PDS5A: variants seen among roughly 807,000 people sequenced by gnomAD.
PDS5A encodes sister chromatid cohesion protein PDS5 homolog A.
PDS5A carries 42 observed loss-of-function variants against 167.1 expected under a neutral mutation model. The observed-to-expected ratio is 0.25, with a 90% CI of 0.20 to 0.33. The LOEUF (loss-of-function observed/expected upper bound fraction) is 0.33. Ranked by LOEUF, PDS5A falls within the 10% of genes least tolerant of loss-of-function variation. PDS5A has a pLI of 1.00. For synonymous variants in PDS5A, 553 were observed against 554.6 expected (o/e 1.00, Z 0.04); for missense variants, 1,033 against 1,605.9 (o/e 0.64, Z 6.10).
At position 39,928,082 on chromosome 4, in the gene PDS5A, G is replaced by A; in HGVS notation, c.221C>T (p.Ala74Val). 1 of 1,612,954 alleles carries A rather than the reference G, an allele frequency of 6.2e-7. No homozygotes were observed. The highest frequency in any genetic ancestry group is 8.5e-7 in the Non-Finnish European group (1 of 1,179,028). The change falls in exon 3 of 33, where the codon GCA (alanine) becomes GTA (valine). Residue 74 changes from alanine to valine, a missense_variant. Physicochemically the swap from Ala to Val is moderately conservative, Grantham distance 64 (BLOSUM62 0). This residue lies in a region of PDS5A where 388 missense variants were observed against 615.1 expected (regional missense o/e 0.63). Transcript: ENST00000303538. The stretch of plus-strand genomic sequence containing the variant: ...GGGGTTCCTGAGGAAGAATTCAGAT[G>A]CAAGATGCAAGGCTAGTGGGAGATA... ...QQYLPLALHLASEFFLRNPNK... is the reference protein window; with the variant it reads ...QQYLPLALHLVSEFFLRNPNK...
At chr4:39,876,616 A>G (rs1720481660) in intron 19 of PDS5A, among the ~76,000 whole-genome samples, 1 of 152,194 alleles carries the variant, frequency 6.6e-6, no homozygotes, top group Non-Finnish European at 1.5e-5. Context: ...ATTTTTTGGT[A>G]GGATAGCAAA....
chr4:39,960,215 G>A (rs1729353135), intron 2 of PDS5A, among the ~76,000 whole-genome samples: 1 of 152,166 alleles, frequency 6.6e-6, no homozygotes, highest in African/African-American at 2.4e-5. Context: ...GTTGCAGTGA[G>A]CCGAAATTGT....
In PDS5A at chr4:39,955,418, A is replaced by G. The variant is rs143594526; in HGVS notation, c.138+21022T>C. ...GGAGTTCGAGACCAGCCTGACCAAC[A>G]TGGTGAAACCCCGTCTCTACCAAAA... On this transcript the variant is annotated intron_variant, in intron 2 of 32. Transcript: ENST00000303538. Among the ~76,000 whole-genome samples the G allele has an allele frequency of 2.5e-4, 38 of 152,146 alleles. 1 individual carries two copies. The East Asian group carries it at 7.2e-3, about 29-fold the overall frequency.
intron 32 of PDS5A, among the ~76,000 whole-genome samples, chr4:39,828,690 C>T (rs1025847989): frequency 1.3e-5 from 2 of 152,154 alleles, no homozygotes; most frequent in African/African-American, 4.8e-5. Flanking sequence ...AGTAATACAA[C>T]TGCACAAGCT....
At chr4:39,938,985 A>G (rs1206973074) in intron 2 of PDS5A, among the ~76,000 whole-genome samples, 1 of 152,104 alleles carries the variant, frequency 6.6e-6, no homozygotes, top group African/African-American at 2.4e-5. Context: ...AAAAGCAATA[A>G]TACAAAACTC....
At chr4:39,876,939 G>A in intron 19 of PDS5A, 54 bp downstream of exon 19, 2 of 1,285,896 alleles carry the variant, frequency 1.6e-6, no homozygotes, top group Non-Finnish European at 2.2e-6. Flanking sequence ...ATGATTTTAT[G>A]GTTCCCATAC....
At chr4:39,898,196 T>C in intron 16 of PDS5A, 193 bp downstream of exon 16, 1 of 1,266,578 alleles carries the variant, frequency 7.9e-7, no homozygotes, top group Non-Finnish European at 9.9e-7. Context: ...AGTTCTTTAG[T>C]TATTTTCCTG....
intron 8 of PDS5A, among the ~76,000 whole-genome samples, chr4:39,914,282 C>T (rs1724157892): frequency 6.6e-6 from 1 of 151,644 alleles, no homozygotes; most frequent in Non-Finnish European, 1.5e-5. Flanking sequence ...CTGCCTCAGC[C>T]TCTCGAGTAG....
intron 2 of PDS5A, among the ~76,000 whole-genome samples, chr4:39,948,598 C>CA (rs1728019303): frequency 6.8e-6 from 1 of 147,164 alleles, no homozygotes; most frequent in African/African-American, 2.5e-5. Context: ...GCTGGGATTA[C>CA]ACGTGTGAGC....
chr4:39,874,083 T>C (rs1720270405), intron 20 of PDS5A, among the ~76,000 whole-genome samples: 2 of 152,048 alleles, frequency 1.3e-5, no homozygotes, highest in South Asian at 4.1e-4. Context: ...AACCCTTCAA[T>C]ATGAGGTGTT....
intron 26 of PDS5A, among the ~76,000 whole-genome samples, chr4:39,854,725 T>C (rs997362402): frequency 6.6e-6 from 1 of 152,190 alleles, no homozygotes; most frequent in Non-Finnish European, 1.5e-5. Flanking sequence ...TAAGGGAATA[T>C]ATATGATATT....
At chr4:39,890,764 G>A (rs1007352496) in intron 16 of PDS5A, among the ~76,000 whole-genome samples, 1 of 151,438 alleles carries the variant, frequency 6.6e-6, no homozygotes, top group South Asian at 2.1e-4. Flanking sequence ...TTACAGGCAC[G>A]TGCCTCCATG....
In PDS5A at chr4:39,824,995, G is replaced by C. The variant is rs1262191715; in HGVS notation, c.*490C>G. Reference sequence around the variant, plus strand: ...GGAAAAACAAAGAAATATTTAATCTGATCTCTTTTCTTTTAAAAAATTAAT... The same window carrying C: ...GGAAAAACAAAGAAATATTTAATCTCATCTCTTTTCTTTTAAAAAATTAAT... On this transcript the variant is annotated 3_prime_UTR_variant, in exon 33 of 33. Coordinates refer to ENST00000303538, the MANE Select transcript of PDS5A (RefSeq NM_001100399.2). 6.5e-6 allele frequency: 1 copy of C among 152,770 alleles called. No homozygotes were observed. Among genetic ancestry groups the C allele is most frequent in the Non-Finnish European group, 1.5e-5 (1 of 68,168 alleles). 9.5% of individuals were successfully genotyped at this position (152,770 alleles called of 1,614,324 possible). A position where few individuals can be genotyped will look rare whatever the true frequency, so the allele number is the denominator to read the frequency against.
chr4:39,827,226 C>T (rs568919326), intron 32 of PDS5A, among the ~76,000 whole-genome samples: 1 of 152,228 alleles, frequency 6.6e-6, no homozygotes, highest in East Asian at 1.9e-4. Flanking sequence ...TCTTGAACTC[C>T]TGACCTAGTG....
At position 39,893,149 on chromosome 4, in the gene PDS5A, C is replaced by T. The variant is rs115510650; in HGVS notation, c.1771-2785G>A. The stretch of plus-strand genomic sequence containing the variant: ...GGAAAATATTAAAATTTGGGGACCA[C>T]TCTCATGGGGAGGGGGGCAATGGAG... On this transcript the variant is annotated intron_variant, in intron 16 of 32. Transcript: ENST00000303538. Among the ~76,000 whole-genome samples the T allele has an allele frequency of 2.5e-3, 387 of 152,308 alleles. 2 individuals carry two copies. The highest frequency in any genetic ancestry group is 4.9e-3 in the Non-Finnish European group (331 of 68,016).
chr4:39,854,428 T>G (rs1456252922), intron 26 of PDS5A, among the ~76,000 whole-genome samples: 1 of 152,176 alleles, frequency 6.6e-6, no homozygotes, highest in African/African-American at 2.4e-5. Context: ...TGTTAGCTGG[T>G]TCCTGATCAT....
intron 32 of PDS5A, among the ~76,000 whole-genome samples, chr4:39,835,722 C>T (rs1560412827): frequency 6.6e-6 from 1 of 152,098 alleles, no homozygotes; most frequent in Non-Finnish European, 1.5e-5. Context: ...GGGGTTTCTC[C>T]ATGTTGGCCA....
intron 27 of PDS5A, 24 bp downstream of exon 27, chr4:39,849,496 C>A (rs1460307066): frequency 6.5e-7 from 1 of 1,532,646 alleles, no homozygotes; most frequent in Admixed American, 1.7e-5. Context: ...ATCTTAACAC[C>A]CACTGGCCTA....
chr4:39,862,210 A>T lies in PDS5A; in HGVS notation c.3086+9T>A. On this transcript the variant is annotated intron_variant, in intron 26 of 32. Coordinates refer to ENST00000303538, the MANE Select transcript of PDS5A (RefSeq NM_001100399.2). The stretch of plus-strand genomic sequence containing the variant: ...ATTTTTAGAGTTCTTGAAAAACAAC[A>T]AGACTTACTCTTTGATATCACGAAG... 4 of 1,179,686 alleles carry T rather than the reference A, an allele frequency of 3.4e-6. No individual in the cohort carries two copies. Among genetic ancestry groups the T allele is most frequent in the Non-Finnish European group, 4.7e-6 (4 of 845,828 alleles). 73.1% of individuals were successfully genotyped at this position (1,179,686 alleles called of 1,614,324 possible).
Sources: gnomAD v4.1 joint callset for allele counts (sites outside exome capture counted in the v4.1 genomes callset) on GRCh38, gnomAD v4.1.1 for gene constraint, gnomAD v4.1.1 regional missense constraint, MANE v1.5 for transcripts, NCBI Gene and HGNC (gene_info 2026-07-23, HGNC 2026-07-21) for gene names.